TLL1: variants seen among roughly 807,000 people sequenced by gnomAD.
TLL1 encodes tolloid like 1.
In TLL1, 49 loss-of-function variants were observed where a neutral mutation model predicts 128.2. The ratio of observed to expected loss-of-function variants is 0.38; its 90% confidence interval spans 0.30 to 0.48. The LOEUF is 0.48. Among genes scored for constraint, TLL1 ranks in the 20% least tolerant of loss-of-function variants. The pLI, the probability that TLL1 is intolerant of heterozygous loss-of-function variation, is 0.96. For synonymous variants in TLL1, 454 were observed against 418.8 expected (o/e 1.08, Z -1.03); for missense variants, 1,123 against 1,242.0 (o/e 0.90, Z 1.44).
intron 13 of TLL1, among the ~76,000 whole-genome samples, chr4:166,056,978 G>A (rs909518017): frequency 2.6e-5 from 4 of 151,878 alleles, no homozygotes; most frequent in East Asian, 3.9e-4. Flanking sequence ...AAAGATTTAC[G>A]CCCTCATATA....
chr4:165,882,295 A>G (rs985785055), intron 1 of TLL1, among the ~76,000 whole-genome samples: 2 of 152,148 alleles, frequency 1.3e-5, no homozygotes, highest in Non-Finnish European at 1.5e-5. Context: ...TTTGAAGAAA[A>G]CATATTATTA....
intron 1 of TLL1, among the ~76,000 whole-genome samples, chr4:165,939,021 A>G (rs752095397): frequency 6.6e-6 from 1 of 150,786 alleles, no homozygotes; most frequent in Non-Finnish European, 1.5e-5. Context: ...TTTTTTTTTA[A>G]AGTTGAATAT....
At chr4:165,919,616 G>T (rs537053862) in intron 1 of TLL1, among the ~76,000 whole-genome samples, 6 of 151,954 alleles carry the variant, frequency 3.9e-5, no homozygotes, top group African/African-American at 1.5e-4. Context: ...ACCTCCAAAT[G>T]AATGGCAATA....
chr4:165,988,085 C>T (rs983128599), intron 1 of TLL1, among the ~76,000 whole-genome samples: 9 of 151,906 alleles, frequency 5.9e-5, no homozygotes, highest in African/African-American at 1.7e-4. Context: ...TCTTATTTCT[C>T]GAGTTTTTTG....
chr4:166,022,316 C>T (rs1738279790), intron 8 of TLL1, among the ~76,000 whole-genome samples: 1 of 152,106 alleles, frequency 6.6e-6, no homozygotes, highest in African/African-American at 2.4e-5. Flanking sequence ...GTGCCTGCCG[C>T]CACCACATCT....
chr4:165,933,540 T>C (rs1439544751), intron 1 of TLL1, among the ~76,000 whole-genome samples: 1 of 152,200 alleles, frequency 6.6e-6, no homozygotes, highest in African/African-American at 2.4e-5. Context: ...ACTTTGACTC[T>C]GTTGCAGTGA....
At chr4:165,942,681 T>A (rs559504085) in intron 1 of TLL1, among the ~76,000 whole-genome samples, 64 of 151,228 alleles carry the variant, frequency 4.2e-4, no homozygotes, top group Non-Finnish European at 5.9e-4. Context: ...TATTTTTAGC[T>A]TCTGCTTCTT....
intron 1 of TLL1, among the ~76,000 whole-genome samples, chr4:165,951,857 C>A (rs928102764): frequency 3.3e-5 from 5 of 152,046 alleles, no homozygotes; most frequent in Admixed American, 3.3e-4. Flanking sequence ...CCAAGTTAAT[C>A]TAATTGTAGT....
intron 10 of TLL1, among the ~76,000 whole-genome samples, chr4:166,041,761 C>T (rs981749456): frequency 6.6e-6 from 1 of 152,108 alleles, no homozygotes; most frequent in African/African-American, 2.4e-5. Context: ...TTTGAGTAAC[C>T]ATCTTACTTC....
intron 12 of TLL1, among the ~76,000 whole-genome samples, chr4:166,054,196 A>G (rs199646252): frequency 8.3e-6 from 1 of 120,490 alleles, no homozygotes; most frequent in Non-Finnish European, 1.9e-5. Flanking sequence ...TGGGAAAGGG[A>G]AAACCACTGT....
chr4:165,903,109 C>A lies in TLL1; in HGVS notation c.169+29036C>A, dbSNP rs150910389. 2.2e-3 allele frequency among the ~76,000 whole-genome samples: 334 copies of A among 152,172 alleles called. 5 individuals carry two copies. The highest frequency in any genetic ancestry group is 0.013 in the East Asian group (64 of 5,108). ...ATCCCAGCACTGTGGGAGGCTGAGG[C>A]ACGCAGATCACCTGAGGTCAGGAGT... On this transcript the variant is annotated intron_variant, in intron 1 of 20. Transcript: ENST00000061240.
At chr4:166,054,555 T>C in intron 12 of TLL1, among the ~76,000 whole-genome samples, 1 of 139,566 alleles carries the variant, frequency 7.2e-6, no homozygotes, top group African/African-American at 2.8e-5. Context: ...CCCAATGCTA[T>C]CCCTCCTCCC....
chr4:166,097,882 C>G (rs1742095223), intron 19 of TLL1, among the ~76,000 whole-genome samples: 1 of 152,104 alleles, frequency 6.6e-6, no homozygotes, highest in African/African-American at 2.4e-5. Context: ...GAAACTCTTT[C>G]AATCCTTGAC....
chr4:165,976,904 G>A (rs578231635), intron 1 of TLL1, among the ~76,000 whole-genome samples: 71 of 152,092 alleles, frequency 4.7e-4, no homozygotes, highest in African/African-American at 1.6e-3. Context: ...AACATTATGC[G>A]GTTTTTTTGT....
At position 166,060,129 on chromosome 4, in the gene TLL1, G is replaced by T. The variant is rs1338467929; in HGVS notation, c.1948G>T (p.Ala650Ser). 1 of 1,613,734 alleles carries T rather than the reference G, an allele frequency of 6.2e-7. No individual in the cohort carries two copies. Among genetic ancestry groups the T allele is most frequent in the South Asian group, 1.1e-5 (1 of 91,078 alleles). ...PNKNCVWQVV[A>S]PTQYRISVKF... The stretch of plus-strand genomic sequence containing the variant: ...TAAGAACTGTGTGTGGCAAGTGGTT[G>T]CACCAACCCAGTACAGAATTTCTGT... The change falls in exon 15 of 21, where the codon GCA (alanine) becomes TCA (serine). Residue 650 changes from alanine (A) to serine (S), a missense_variant. Transcript: ENST00000061240.
At chr4:165,936,455 G>A (rs932069372) in intron 1 of TLL1, among the ~76,000 whole-genome samples, 37 of 151,134 alleles carry the variant, frequency 2.4e-4, no homozygotes, top group African/African-American at 8.7e-4. Flanking sequence ...CAGGTGATCC[G>A]CCTGCCTCGC....
In TLL1 at chr4:166,044,514, C is replaced by CA. The variant is rs564373685; in HGVS notation, c.1524+1102dup. 1.5e-5 allele frequency: 17 copies of CA among 1,158,552 alleles called. No individual in the cohort carries two copies. In the African/African-American group the frequency reaches 1.9e-4, roughly 13 times the overall value. The allele number at this position is 1,158,552 out of a possible 1,614,324, so 71.8% of individuals were successfully genotyped here. On this transcript the variant is annotated intron_variant, in intron 12 of 20. Transcript: ENST00000061240. ...TCCCAGATGTATTTCCTTTTGTTAC[C>CA]AAAAAAATATATACTTTCTACTTTA...
rs151283773 is a variant in TLL1 at position 165,934,728 on chromosome 4, C to T, written c.170-54653C>T. Among the ~76,000 whole-genome samples the T allele has an allele frequency of 3.2e-3, 484 of 152,348 alleles. 5 individuals are homozygous for T. Among genetic ancestry groups the T allele is most frequent in the African/African-American group, 0.011 (439 of 41,586 alleles). ...ACTCCCTGGATCACCTGTAACCCATCTCCTGGTGGCCTTTGTGGCTCCTTA... is the reference window on the plus strand; with the variant it reads ...ACTCCCTGGATCACCTGTAACCCATTTCCTGGTGGCCTTTGTGGCTCCTTA... On this transcript the variant is annotated intron_variant, in intron 1 of 20. Coordinates refer to ENST00000061240, the MANE Select transcript of TLL1 (RefSeq NM_012464.5).
intron 9 of TLL1, chr4:166,030,717 C>A: frequency 1.7e-6 from 2 of 1,182,124 alleles, no homozygotes; most frequent in Non-Finnish European, 2.1e-6. Flanking sequence ...GTTTCTTCAA[C>A]ACCATTTGTT....
Sources: gnomAD v4.1 joint callset for allele counts (sites outside exome capture counted in the v4.1 genomes callset) on GRCh38, gnomAD v4.1.1 for gene constraint, MANE v1.5 for transcripts, NCBI Gene and HGNC (gene_info 2026-07-23, HGNC 2026-07-21) for gene names.